The following C11orf65 variants were observed in gnomAD, a reference collection of about 807,000 sequenced individuals.
C11orf65 encodes protein MFI.
Under a neutral mutation model 35.3 loss-of-function variants are expected in C11orf65, and 38 were observed. That is an observed-to-expected ratio of 1.08 (90% CI 0.83 to 1.41). The LOEUF (loss-of-function observed/expected upper bound fraction) is 1.41. Among genes scored for constraint, C11orf65 ranks in the 40% most tolerant of loss-of-function variants. The pLI is 0.00. For synonymous variants in C11orf65, 105 were observed against 114.4 expected (o/e 0.92, Z 0.53); for missense variants, 370 against 367.1 (o/e 1.01, Z -0.06).
intron 2 of C11orf65, among the ~76,000 whole-genome samples, chr11:108,374,726 T>G (rs1162337434): frequency 6.6e-6 from 1 of 151,992 alleles, no homozygotes; most frequent in Non-Finnish European, 1.5e-5. Context: ...GGCAAAGAAG[T>G]TGAAAACTTT....
chr11:108,308,830 C>T, exon 7 of C11orf65: 1 of 568,414 alleles, frequency 1.8e-6, no homozygotes, highest in East Asian at 2.9e-5. Context: ...TTTTCAGTGT[C>T]TTTGCTTCTG....
chr11:108,448,611 T>A (rs1442854176), intron 2 of C11orf65, among the ~76,000 whole-genome samples: 2 of 152,106 alleles, frequency 1.3e-5, no homozygotes, highest in East Asian at 3.9e-4. Flanking sequence ...CTCTCAATAA[T>A]TTAGGTATTG....
At chr11:108,330,495 C>T (rs532149538), downstream of C11orf65, 135 of 1,420,392 alleles carry the variant, frequency 9.5e-5, 1 homozygote, top group African/African-American at 1.7e-3. Context: ...TGTCAGGAAT[C>T]GTGTATACCT....
chr11:108,358,914 C>T (rs1254240164), intron 2 of C11orf65, among the ~76,000 whole-genome samples: 1 of 151,878 alleles, frequency 6.6e-6, no homozygotes, highest in Non-Finnish European at 1.5e-5. Context: ...CAGCTAACAT[C>T]ATAATGACAG....
intron 8 of C11orf65, among the ~76,000 whole-genome samples, chr11:108,383,520 A>C (rs1044249573): frequency 1.3e-5 from 2 of 152,202 alleles, no homozygotes; most frequent in African/African-American, 4.8e-5. Flanking sequence ...TGCAAGAGTT[A>C]AATGTGACAG....
chr11:108,411,305 T>C (rs1471849127), intron 3 of C11orf65, among the ~76,000 whole-genome samples: 1 of 152,200 alleles, frequency 6.6e-6, no homozygotes, highest in Non-Finnish European at 1.5e-5. Context: ...TAATTTTTAG[T>C]TTAATTCCAC....
chr11:108,327,653 C>T (rs2136373190), downstream of C11orf65: 2 of 1,613,576 alleles, frequency 1.2e-6, no homozygotes, highest in South Asian at 2.2e-5. Context: ...AGAACAATCC[C>T]AGCCTAAAAC....
chr11:108,425,256 C>T (rs998559248), intron 3 of C11orf65, among the ~76,000 whole-genome samples: 1 of 151,768 alleles, frequency 6.6e-6, no homozygotes, highest in Admixed American at 6.6e-5. Flanking sequence ...AGACCACTAG[C>T]CAGACTAACA....
At chr11:108,329,307 A>C, downstream of C11orf65, 2 of 1,378,390 alleles carry the variant, frequency 1.5e-6, no homozygotes, top group Non-Finnish European at 2.0e-6. Context: ...TTGCATAGAA[A>C]GAGTGACTTG....
Position 108,317,615 on chromosome 11 carries a change from TTATATATATATATATATATATA to T in C11orf65, c.641-8566_641-8545del, listed in dbSNP as rs376158749. ...TTCTATGAATATAACAGGAGTTGTTTTATATATATATATATATATATATATATATATATATATACACACACAC... is the reference window on the plus strand; with the variant it reads ...TTCTATGAATATAACAGGAGTTGTTTTATATATATATATATACACACACAC... On this transcript the variant is annotated intron_variant, in intron 6 of 6. Transcript: ENST00000525729. 1,310 of 215,362 alleles carry T rather than the reference TTATATATATATATATATATATA, an allele frequency of 6.1e-3. 176 individuals are homozygous for T. Among genetic ancestry groups the T allele is most frequent in the Non-Finnish European group, 8.7e-3 (1,060 of 121,504 alleles). 13.3% of individuals were successfully genotyped at this position (215,362 alleles called of 1,614,324 possible). A position where few individuals can be genotyped will look rare whatever the true frequency, so the allele number is the denominator to read the frequency against.
Position 108,354,697 on chromosome 11 carries a change from A to G in C11orf65, c.227-19405T>C, listed in dbSNP as rs958775006. The G allele has an allele frequency of 2.6e-5, 24 of 926,228 alleles. No individual in the cohort carries two copies. The African/African-American group carries it at 3.6e-4, about 14-fold the overall frequency. The allele number at this position is 926,228 out of a possible 1,614,324, so 57.4% of individuals were successfully genotyped here. ...TATTATGCTATTTTGAGATACAGAT[A>G]TGTAGATTATTAAGCATAGGCTCAG... On this transcript the variant is annotated intron_variant, in intron 2 of 3. Transcript: ENST00000524755.
chr11:108,426,042 T>C (rs1276769407), intron 3 of C11orf65, among the ~76,000 whole-genome samples: 2 of 152,156 alleles, frequency 1.3e-5, no homozygotes, highest in African/African-American at 2.4e-5. Flanking sequence ...GCCAATACCA[T>C]ACTGAATGGG....
At chr11:108,321,486 A>G (rs749604965) in intron 6 of C11orf65, 247 of 1,610,040 alleles carry the variant, frequency 1.5e-4, no homozygotes, top group Non-Finnish European at 1.9e-4. Flanking sequence ...GTGACTTTAA[A>G]AAATAAAAAC....
intron 2 of C11orf65, among the ~76,000 whole-genome samples, chr11:108,459,726 TACACACAC>T (rs60928526): frequency 0.024 from 3,333 of 138,476 alleles, 84 homozygotes; most frequent in African/African-American, 0.061. Flanking sequence ...GTCCTCCGTC[TACACACAC>T]ACACACACAC....
chr11:108,427,690 C>T (rs1253287434), intron 3 of C11orf65, among the ~76,000 whole-genome samples: 7 of 105,306 alleles, frequency 6.6e-5, no homozygotes, highest in Admixed American at 2.7e-4. Context: ...CCACTGCACT[C>T]CAGCCTGGGC....
chr11:108,350,507 A>T (rs762273623), intron 2 of C11orf65, among the ~76,000 whole-genome samples: 6 of 152,246 alleles, frequency 3.9e-5, no homozygotes, highest in Non-Finnish European at 5.9e-5. Flanking sequence ...TGAGTGGTTC[A>T]TTAAGATAGA....
upstream of C11orf65, among the ~76,000 whole-genome samples, chr11:108,469,198 C>G (rs2093562907): frequency 6.8e-6 from 1 of 147,494 alleles, no homozygotes; most frequent in Admixed American, 6.8e-5. Flanking sequence ...CCTGGCAACA[C>G]AGCAAGATTC....
intron 3 of C11orf65, among the ~76,000 whole-genome samples, chr11:108,416,788 C>A (rs1404400812): frequency 6.6e-6 from 1 of 152,134 alleles, no homozygotes; most frequent in African/African-American, 2.4e-5. Context: ...AGTGGTAATT[C>A]TTTGCTGGTC....
At position 108,393,220 on chromosome 11, in the gene C11orf65, A is replaced by T. The variant is rs1022753000; in HGVS notation, c.719T>A (p.Leu240Gln). ...AACATGTACTTACTCATCAAAGTTC[A>T]GTGTATTTGTCCAGTTCAGCACTTC... ...VDEVLNWTNTLNFDEYIASWK... is the reference protein window; with the variant it reads ...VDEVLNWTNTQNFDEYIASWK... Residue 240 changes from leucine (L) to glutamine (Q), a missense_variant, in exon 7 of 9, where the codon CTG becomes CAG. Transcript: ENST00000393084. 6.2e-7 allele frequency: 1 copy of T among 1,613,618 alleles called. No individual in the cohort carries two copies.
Sources: allele counts gnomAD v4.1 joint callset (sites outside exome capture counted in the v4.1 genomes callset), GRCh38; gene constraint gnomAD v4.1.1; transcripts MANE v1.5; gene names NCBI Gene and HGNC (gene_info 2026-07-23, HGNC 2026-07-21).